The following NYAP2 variants were observed in gnomAD, a reference collection of about 807,000 sequenced individuals.
NYAP2 encodes neuronal tyrosine-phosphorylated phosphoinositide-3-kinase adaptor 2.
Under a neutral mutation model 50.4 loss-of-function variants are expected in NYAP2, and 23 were observed. The observed-to-expected ratio is 0.46, with a 90% CI of 0.33 to 0.65. The LOEUF (loss-of-function observed/expected upper bound fraction) is 0.65. Ranked by LOEUF, NYAP2 falls within the 30% of genes least tolerant of loss-of-function variation. The pLI is 0.02. For synonymous variants in NYAP2, 394 were observed against 365.2 expected, an observed-to-expected ratio of 1.08 and a Z score of -0.90; for missense variants, 885 against 861.0, an observed-to-expected ratio of 1.03 and a Z score of -0.35.
intron 4 of NYAP2, among the ~76,000 whole-genome samples, chr2:225,581,532 T>C (rs553548490): frequency 1.3e-5 from 2 of 152,358 alleles, no homozygotes; most frequent in East Asian, 3.9e-4. Context: ...TATGGTATTT[T>C]TGACCAATAG....
At chr2:225,651,632 G>C in exon 7 of NYAP2, 5 of 1,576,444 alleles carry the variant, frequency 3.2e-6, no homozygotes, top group Non-Finnish European at 4.3e-6. Flanking sequence ...GACAACTTTC[G>C]CATTTGCTTT....
rs573042940 is a variant in NYAP2, at chr2:225,587,187, T to A, written c.1618+4152T>A. Among the ~76,000 whole-genome samples, 5 of 151,970 alleles carry A rather than the reference T, an allele frequency of 3.3e-5. No homozygotes were observed. The South Asian group carries it at 1.0e-3, about 32-fold the overall frequency. ...ATGGGGATAACAATTTGAGATGAGA[T>A]TTGGTGGGGGACACAGAGCCAAACC... On this transcript the variant is annotated intron_variant, in intron 5 of 6. Coordinates refer to ENST00000636099, the Ensembl canonical transcript of NYAP2.
intron 3 of NYAP2, among the ~76,000 whole-genome samples, chr2:225,414,233 A>C (rs1695089284): frequency 6.6e-6 from 1 of 152,184 alleles, no homozygotes; most frequent in East Asian, 1.9e-4. Context: ...GGGTGAAAAA[A>C]TATCAAATAA....
At position 225,436,758 on chromosome 2, in the gene NYAP2, A is replaced by AAG. The variant is rs1553538802; in HGVS notation, c.221+27663_221+27664dup. ...TATAGTCAAAAAAAAAAAAAAAAAA[A>AAG]AGAGAGAAGAAGAAGAAGAAGCCTC... is the stretch of plus-strand genomic sequence containing the variant. On this transcript the variant is annotated intron_variant, in intron 3 of 6. Transcript: ENST00000636099. 5.6e-3 allele frequency among the ~76,000 whole-genome samples: 799 copies of AAG among 141,682 alleles called. 157 individuals carry two copies. Among genetic ancestry groups the AAG allele is most frequent in the Middle Eastern group, 0.014 (4 of 278 alleles). 92.9% of individuals were successfully genotyped at this position (141,682 alleles called of 152,430 possible).
At chr2:225,633,196 C>T (rs1410183491) in intron 6 of NYAP2, among the ~76,000 whole-genome samples, 1 of 152,192 alleles carries the variant, frequency 6.6e-6, no homozygotes, top group African/African-American at 2.4e-5. Flanking sequence ...TGGAAGTAAA[C>T]TCAGCCCTTG....
intron 3 of NYAP2, among the ~76,000 whole-genome samples, chr2:225,465,663 C>T (rs573718606): frequency 1.3e-5 from 2 of 152,166 alleles, no homozygotes; most frequent in South Asian, 2.1e-4. Context: ...TTGCAGTGAG[C>T]CGAGATCGCG....
At chr2:225,573,250 C>CTTT (rs59186607) in intron 4 of NYAP2, among the ~76,000 whole-genome samples, 2 of 126,730 alleles carry the variant, frequency 1.6e-5, no homozygotes, top group African/African-American at 3.0e-5. Context: ...ATTATTATTT[C>CTTT]TTTTTTTTTT....
the NYAP2 span, chr2:225,699,148 A>G: frequency 3.3e-5 from 5 of 152,068 alleles, no homozygotes; most frequent in Admixed American, 6.6e-5. Context: ...CATTGACAAC[A>G]ATATTTTTGC....
At chr2:225,684,459 T>A in the NYAP2 span, among the ~76,000 whole-genome samples, 1 of 151,854 alleles carries the variant, frequency 6.6e-6, no homozygotes, top group Admixed American at 6.6e-5. Flanking sequence ...GCCTTACCTT[T>A]TCTCCCCACC....
chr2:225,504,900 T>C (rs1029294376), intron 3 of NYAP2, among the ~76,000 whole-genome samples: 5 of 151,594 alleles, frequency 3.3e-5, no homozygotes, highest in African/African-American at 1.2e-4. Flanking sequence ...CCCAGCTACT[T>C]GGGAGGCTGA....
chr2:225,576,948 T>G (rs770744230), intron 4 of NYAP2, among the ~76,000 whole-genome samples: 1 of 152,208 alleles, frequency 6.6e-6, no homozygotes, highest in Non-Finnish European at 1.5e-5. Flanking sequence ...GGCTAACCTC[T>G]GTTGTATCTC....
chr2:225,646,188 G>A (rs1009063888), intron 6 of NYAP2, among the ~76,000 whole-genome samples: 1 of 152,124 alleles, frequency 6.6e-6, no homozygotes, highest in Non-Finnish European at 1.5e-5. Context: ...ATGCATTTAG[G>A]TTAGGAATGA....
At chr2:225,645,326 AG>A (rs1020475087) in intron 6 of NYAP2, among the ~76,000 whole-genome samples, 1 of 152,062 alleles carries the variant, frequency 6.6e-6, no homozygotes, top group African/African-American at 2.4e-5. Flanking sequence ...GATGATGGTG[AG>A]TTACAGACCT....
chr2:225,571,255 T>G (rs561648067), intron 4 of NYAP2, among the ~76,000 whole-genome samples: 633 of 152,326 alleles, frequency 4.2e-3, no homozygotes, highest in Non-Finnish European at 6.1e-3. Flanking sequence ...GATCTACCAT[T>G]CTGGGGTCTG....
At chr2:225,686,281 T>C in the NYAP2 span, among the ~76,000 whole-genome samples, 3 of 152,166 alleles carry the variant, frequency 2.0e-5, no homozygotes, top group African/African-American at 7.2e-5. Flanking sequence ...ATGTGATGTA[T>C]TTTCTAGATT....
intron 3 of NYAP2, among the ~76,000 whole-genome samples, chr2:225,462,532 G>A (rs1210561143): frequency 3.9e-5 from 6 of 151,976 alleles, no homozygotes; most frequent in East Asian, 1.9e-4. Context: ...TTTATAACTC[G>A]GATGATGTTA....
chr2:225,551,956 G>A (rs1387800046), intron 4 of NYAP2, among the ~76,000 whole-genome samples: 1 of 152,142 alleles, frequency 6.6e-6, no homozygotes, highest in Admixed American at 6.5e-5. Flanking sequence ...GGGATTACAG[G>A]TGTGCATCAC....
At chr2:225,522,903 C>T (rs1369389815) in intron 4 of NYAP2, among the ~76,000 whole-genome samples, 2 of 152,034 alleles carry the variant, frequency 1.3e-5, no homozygotes, top group East Asian at 3.8e-4. Flanking sequence ...GTGCTTTTTC[C>T]TATAAAGAAT....
intron 5 of NYAP2, 59 bp from the exon 6 acceptor site, chr2:225,626,858 A>C: frequency 7.6e-7 from 1 of 1,307,824 alleles, no homozygotes; most frequent in South Asian, 1.3e-5. Flanking sequence ...ATTTTTTGAA[A>C]GTAATTTAGG....
Sources: gnomAD v4.1 joint callset for allele counts (sites outside exome capture counted in the v4.1 genomes callset) on GRCh38, gnomAD v4.1.1 for gene constraint, MANE v1.5 for transcripts, NCBI Gene and HGNC (gene_info 2026-07-23, HGNC 2026-07-21) for gene names.